The following CCSER1 variants were observed in gnomAD, a reference collection of about 807,000 sequenced individuals.
The protein encoded by CCSER1 is serine-rich coiled-coil domain-containing protein 1.
Under a neutral mutation model 82.0 loss-of-function variants are expected in CCSER1, and 41 were observed. That is an observed-to-expected ratio of 0.50 (90% CI 0.39 to 0.65). The LOEUF (loss-of-function observed/expected upper bound fraction) is 0.65. Among genes scored for constraint, CCSER1 ranks in the 30% least tolerant of loss-of-function variants. The probability of loss-of-function intolerance (pLI) is 0.00; values close to 1 mark genes in which losing one functional copy is unlikely to be tolerated. For synonymous variants in CCSER1, 414 were observed against 383.9 expected (o/e 1.08, Z -0.92); for missense variants, 1,119 against 1,064.2 (o/e 1.05, Z -0.72).
chr4:90,923,503 A>G, intron 9 of CCSER1, 56 bp downstream of exon 9: 1 of 1,176,006 alleles, frequency 8.5e-7, no homozygotes, highest in African/African-American at 1.5e-5. Flanking sequence ...AGACCTCCAC[A>G]GCTTATTGAC....
intron 1 of CCSER1, among the ~76,000 whole-genome samples, chr4:90,228,127 C>G (rs1322299372): frequency 1.3e-5 from 2 of 152,142 alleles, no homozygotes; most frequent in African/African-American, 4.8e-5. Context: ...CACCACAGCT[C>G]AAGGAGGCCT....
At chr4:91,326,317 G>T (rs1746556321) in intron 10 of CCSER1, among the ~76,000 whole-genome samples, 1 of 152,120 alleles carries the variant, frequency 6.6e-6, no homozygotes, top group Non-Finnish European at 1.5e-5. Context: ...TTACAATCAT[G>T]GCAGAAGGTG....
intron 9 of CCSER1, among the ~76,000 whole-genome samples, chr4:90,969,584 C>T (rs1734890644): frequency 6.6e-6 from 1 of 151,916 alleles, no homozygotes; most frequent in African/African-American, 2.4e-5. Flanking sequence ...GAGATAAACA[C>T]TTTCCCAGAT....
chr4:90,763,531 A>G lies in CCSER1; in HGVS notation c.2010+39540A>G, dbSNP rs528484703. Reference sequence around the variant, plus strand: ...GTTATCTCAACCACAGAGTTTTGTCAGTGTCTTGATATTTTACAAACAATG... The same window carrying G: ...GTTATCTCAACCACAGAGTTTTGTCGGTGTCTTGATATTTTACAAACAATG... On this transcript the variant is annotated intron_variant, in intron 7 of 10. Transcript: ENST00000509176. Among the ~76,000 whole-genome samples the G allele has an allele frequency of 2.6e-5, 4 of 152,230 alleles. No individual in the cohort carries two copies. In the East Asian group the frequency reaches 7.7e-4, roughly 29 times the overall value.
rs1230630890 is a variant in CCSER1, at chr4:90,271,846, ATATATATATATATATATTTTTTTTTTT to A, written c.-41-36396_-41-36370del. 1.9e-3 allele frequency among the ~76,000 whole-genome samples: 48 copies of A among 24,830 alleles called. 5 individuals are homozygous for A. The highest frequency in any genetic ancestry group is 0.01 in the African/African-American group (39 of 3,808). 16.3% of individuals were successfully genotyped at this position (24,830 alleles called of 152,430 possible). On this transcript the variant is annotated intron_variant, in intron 1 of 10. Transcript: ENST00000509176. ...ACAATTTATATATATATATATATAT[ATATATATATATATATATTTTTTTTTTT>A]TTTTTTTTTTTTTTTTTAAAAGGAG...
chr4:90,280,524 A>G (rs1728669333), intron 1 of CCSER1, among the ~76,000 whole-genome samples: 1 of 152,000 alleles, frequency 6.6e-6, no homozygotes, highest in Non-Finnish European at 1.5e-5. Flanking sequence ...CTTACATGAC[A>G]AATGGATCCC....
At chr4:91,156,228 G>T (rs1730809551) in intron 10 of CCSER1, among the ~76,000 whole-genome samples, 1 of 151,660 alleles carries the variant, frequency 6.6e-6, no homozygotes, top group Non-Finnish European at 1.5e-5. Flanking sequence ...ACAATAATTA[G>T]AGTATATTAC....
chr4:91,376,907 C>CCT (rs199937163), intron 10 of CCSER1, among the ~76,000 whole-genome samples: 1 of 150,336 alleles, frequency 6.7e-6, no homozygotes, highest in Non-Finnish European at 1.5e-5. Context: ...TCCCTCCCCC[C>CCT]ACCCAGGACA....
At chr4:90,815,546 G>A (rs1288792983) in intron 7 of CCSER1, among the ~76,000 whole-genome samples, 4 of 151,182 alleles carry the variant, frequency 2.6e-5, no homozygotes, top group Admixed American at 6.6e-5. Flanking sequence ...GTGTGTGTGT[G>A]TCTACATGAT....
At chr4:90,470,092 G>A (rs973409563) in intron 5 of CCSER1, among the ~76,000 whole-genome samples, 3 of 152,026 alleles carry the variant, frequency 2.0e-5, no homozygotes, top group Non-Finnish European at 2.9e-5. Context: ...TAAGTACTCC[G>A]TAAATTCTCA....
At chr4:90,540,986 AT>A (rs1172551764) in intron 5 of CCSER1, among the ~76,000 whole-genome samples, 1 of 152,074 alleles carries the variant, frequency 6.6e-6, no homozygotes, top group Non-Finnish European at 1.5e-5. Flanking sequence ...AAAATCCTAC[AT>A]TTAAAATTTT....
At chr4:91,144,364 G>A (rs1729345534) in intron 10 of CCSER1, among the ~76,000 whole-genome samples, 2 of 151,678 alleles carry the variant, frequency 1.3e-5, no homozygotes, top group East Asian at 3.9e-4. Context: ...TTCTCTGTGA[G>A]TCTAGATAAC....
At chr4:91,174,175 T>A (rs1733062504) in intron 10 of CCSER1, among the ~76,000 whole-genome samples, 1 of 152,154 alleles carries the variant, frequency 6.6e-6, no homozygotes, top group Non-Finnish European at 1.5e-5. Context: ...TTTAAAGAGT[T>A]AAATCAACTG....
chr4:91,454,899 G>A (rs1470954560), intron 10 of CCSER1, among the ~76,000 whole-genome samples: 3 of 151,720 alleles, frequency 2.0e-5, no homozygotes, highest in East Asian at 3.9e-4. Flanking sequence ...ATTTTGAAAT[G>A]TTCACAGTTA....
intron 10 of CCSER1, among the ~76,000 whole-genome samples, chr4:91,446,676 A>AT (rs376326688): frequency 0.056 from 7,969 of 142,430 alleles, 553 homozygotes; most frequent in African/African-American, 0.16. Flanking sequence ...TAAATAAATA[A>AT]ATATATATAT....
intron 6 of CCSER1, among the ~76,000 whole-genome samples, chr4:90,630,307 G>A (rs980154440): frequency 2.0e-5 from 3 of 152,062 alleles, no homozygotes; most frequent in Admixed American, 1.3e-4. Context: ...ACCTCTGTTT[G>A]GTCTGAATTT....
At chr4:90,795,150 G>A (rs1426466494) in intron 7 of CCSER1, among the ~76,000 whole-genome samples, 1 of 152,010 alleles carries the variant, frequency 6.6e-6, no homozygotes, top group Non-Finnish European at 1.5e-5. Context: ...AGCTAGGCGT[G>A]GTTGCGGGCA....
At chr4:91,068,076 A>G (rs533818689) in intron 9 of CCSER1, among the ~76,000 whole-genome samples, 1 of 152,320 alleles carries the variant, frequency 6.6e-6, no homozygotes, top group Admixed American at 6.5e-5. Context: ...ATGAGAGCCA[A>G]TTATATATTT....
chr4:90,716,599 CTA>C (rs2149347175), intron 6 of CCSER1, among the ~76,000 whole-genome samples: 1 of 152,064 alleles, frequency 6.6e-6, no homozygotes, highest in East Asian at 1.9e-4. Flanking sequence ...TATAACTTTT[CTA>C]TGTTTAGATA....
Sources: gnomAD v4.1 joint callset for allele counts (sites outside exome capture counted in the v4.1 genomes callset) on GRCh38, gnomAD v4.1.1 for gene constraint, MANE v1.5 for transcripts, NCBI Gene and HGNC (gene_info 2026-07-23, HGNC 2026-07-21) for gene names.